The following ABCB11 variants were observed in gnomAD, a reference collection of about 807,000 sequenced individuals.
ABCB11 encodes the protein ATP binding cassette subfamily B member 11.
A neutral mutation model predicts 148.0 loss-of-function variants in ABCB11; 95 were observed. The ratio of observed to expected loss-of-function variants is 0.64; its 90% CI spans 0.54 to 0.76. The LOEUF is 0.76. Among genes scored for constraint, ABCB11 ranks in the 30% least tolerant of loss-of-function variants. The probability of loss-of-function intolerance (pLI) is 0.00; values close to 1 mark genes in which losing one functional copy is unlikely to be tolerated. For missense variants in ABCB11, 1,523 were observed against 1,617.8 expected (o/e 0.94, Z 1.01); for synonymous variants, 591 against 555.4 (o/e 1.06, Z -0.90).
At position 168,978,749 on chromosome 2, in the gene ABCB11, C is replaced by T. The variant is rs539125088; in HGVS notation, c.1197+1117G>A. ...TTGTTTGTTTTTTGAGACACGTTCT[C>T]ACTCTGTTGCCCAGGCTGGAGAGCA... On this transcript the variant is annotated intron_variant, in intron 11 of 27. Transcript: ENST00000650372. 2.6e-4 allele frequency among the ~76,000 whole-genome samples: 39 copies of T among 152,086 alleles called. No homozygotes were observed. In the South Asian group the frequency reaches 7.9e-3, roughly 31 times the overall value.
chr2:168,934,257 T>C (rs1181040674), intron 23 of ABCB11, among the ~76,000 whole-genome samples: 3 of 151,868 alleles, frequency 2.0e-5, no homozygotes, highest in African/African-American at 4.8e-5. Context: ...TGTAGTGGAG[T>C]GGGAGAGAAG....
chr2:168,930,545 G>T (rs1332494915), intron 25 of ABCB11, 120 bp downstream of exon 25: 2 of 683,796 alleles, frequency 2.9e-6, no homozygotes, highest in Non-Finnish European at 4.3e-6. Context: ...TATGCATGGG[G>T]TAAGTGCCTT....
chr2:169,029,569 A>C (rs1695799283), intron 1 of ABCB11, among the ~76,000 whole-genome samples: 1 of 152,162 alleles, frequency 6.6e-6, no homozygotes, highest in Non-Finnish European at 1.5e-5. Flanking sequence ...GGGAAGGGAA[A>C]TAAATACACG....
At chr2:168,998,975 C>T (rs1286971250) in intron 5 of ABCB11, among the ~76,000 whole-genome samples, 4 of 152,056 alleles carry the variant, frequency 2.6e-5, no homozygotes, top group African/African-American at 9.7e-5. Flanking sequence ...CCTGGCTTTG[C>T]TCCCTTGACT....
chr2:168,940,743 A>G (rs1692027165), intron 21 of ABCB11, among the ~76,000 whole-genome samples: 1 of 152,106 alleles, frequency 6.6e-6, no homozygotes, highest in Non-Finnish European at 1.5e-5. Flanking sequence ...GGAGAAGTCA[A>G]TGCCTGACTT....
At position 168,985,265 on chromosome 2, in the gene ABCB11, G is replaced by A. The variant is rs372364641; in HGVS notation, c.1083+845C>T. ...AAACATAATAGATGTTGGCATGGAT[G>A]TAGTGAAAAGGAACACTTCTACACT... On this transcript the variant is annotated intron_variant, in intron 10 of 27. Coordinates refer to ENST00000650372, the MANE Select transcript of ABCB11 (RefSeq NM_003742.4). Among the ~76,000 whole-genome samples the A allele has an allele frequency of 3.3e-5, 5 of 152,164 alleles. 1 individual carries two copies. In the East Asian group the frequency reaches 9.6e-4, roughly 29 times the overall value.
At chr2:168,974,672 G>T (rs145500606) in intron 12 of ABCB11, among the ~76,000 whole-genome samples, 1 of 151,754 alleles carries the variant, frequency 6.6e-6, no homozygotes, top group African/African-American at 2.4e-5. Flanking sequence ...AAACATACTC[G>T]TACTATGAAT....
In ABCB11 at chr2:169,018,045, C is replaced by T. The variant is rs1695417565; in HGVS notation, c.76+5G>A. The T allele has an allele frequency of 6.2e-7, 1 of 1,611,306 alleles. No individual in the cohort carries two copies. Among genetic ancestry groups the T allele is most frequent in the Admixed American group, 1.7e-5 (1 of 59,930 alleles). On this transcript the variant is annotated splice_donor_5th_base_variant and intron_variant, in intron 2 of 27. Transcript: ENST00000650372. ...AAGATGCAGTGAGGGAAAAAAGCCA[C>T]TCACATGATTTATCTGACTCAAAAC...
intron 22 of ABCB11, among the ~76,000 whole-genome samples, chr2:168,935,937 T>C (rs1691799783): frequency 6.6e-6 from 1 of 152,106 alleles, no homozygotes; most frequent in South Asian, 2.1e-4. Context: ...CCCCTGCAAA[T>C]GAGAGTACAC....
chr2:168,952,266 C>T (rs1263257912), intron 19 of ABCB11, among the ~76,000 whole-genome samples: 1 of 151,582 alleles, frequency 6.6e-6, no homozygotes, highest in South Asian at 2.1e-4. Context: ...AGAATTCCCT[C>T]CTCTGATTTC....
intron 19 of ABCB11, among the ~76,000 whole-genome samples, chr2:168,954,787 T>C (rs901231069): frequency 6.6e-6 from 1 of 151,466 alleles, no homozygotes; most frequent in African/African-American, 2.4e-5. Context: ...ACTTGGGAGG[T>C]TGTTATTGAT....
intron 21 of ABCB11, among the ~76,000 whole-genome samples, chr2:168,941,017 G>A (rs946585529): frequency 2.6e-5 from 4 of 152,024 alleles, no homozygotes; most frequent in South Asian, 2.1e-4. Flanking sequence ...CATTGACAAC[G>A]CACCTAGTCA....
intron 5 of ABCB11, among the ~76,000 whole-genome samples, chr2:169,001,948 C>T (rs187622604): frequency 6.6e-6 from 1 of 152,066 alleles, no homozygotes; most frequent in Non-Finnish European, 1.5e-5. Flanking sequence ...ATGGATTAAA[C>T]AATACAATCA....
At chr2:168,973,557 T>G (rs547554879) in intron 13 of ABCB11, among the ~76,000 whole-genome samples, 158 bp downstream of exon 13, 9 of 152,192 alleles carry the variant, frequency 5.9e-5, no homozygotes, top group Non-Finnish European at 1.3e-4. Context: ...ACTGTTACCA[T>G]GTAGGAAGCG....
intron 4 of ABCB11, 42 bp from the exon 5 acceptor site, chr2:169,013,552 G>T: frequency 3.3e-6 from 5 of 1,529,416 alleles, no homozygotes; most frequent in Non-Finnish European, 4.5e-6. Flanking sequence ...TGGGTGAAGA[G>T]CAGGAGAGGT....
rs377691925 is a variant in ABCB11, at chr2:168,930,770, C to G, written c.3306G>C (p.Ser1102=). 1.2e-6 allele frequency: 2 copies of G among 1,613,630 alleles called. No individual in the cohort carries two copies. Among genetic ancestry groups the G allele is most frequent in the Non-Finnish European group, 1.7e-6 (2 of 1,179,704 alleles). The part of the protein sequence containing the change: ...DSQVLNGLSV[S]ISPGQTLAFV... ...ACGCCAGTGTCTGCCCTGGACTAAT[C>G]GACACTGAGAGACCATTCAGAACTT... The change falls in exon 25 of 28, where the codon TCG becomes TCC. Residue 1102 remains serine (S), a synonymous_variant. Transcript: ENST00000650372.
At chr2:168,943,345 T>C (rs928357554) in intron 21 of ABCB11, among the ~76,000 whole-genome samples, 7 of 151,938 alleles carry the variant, frequency 4.6e-5, no homozygotes, top group African/African-American at 1.7e-4. Flanking sequence ...ATTGAGTGAT[T>C]ACATTTTGAG....
At chr2:169,012,819 G>C (rs1308381252) in intron 5 of ABCB11, among the ~76,000 whole-genome samples, 1 of 151,598 alleles carries the variant, frequency 6.6e-6, no homozygotes, top group Non-Finnish European at 1.5e-5. Context: ...AAGTAATGCA[G>C]CCTGTTCATG....
chr2:169,030,972 A>ACTCT (rs76125145), intron 1 of ABCB11, among the ~76,000 whole-genome samples: 2 of 151,742 alleles, frequency 1.3e-5, no homozygotes, highest in South Asian at 2.1e-4. Context: ...CATGTACACC[A>ACTCT]CTCTCTCTCT....
Sources: allele counts gnomAD v4.1 joint callset (sites outside exome capture counted in the v4.1 genomes callset), GRCh38; gene constraint gnomAD v4.1.1; transcripts MANE v1.5; gene names NCBI Gene and HGNC (gene_info 2026-07-23, HGNC 2026-07-21).